UBAP1: variants seen among roughly 807,000 people sequenced by gnomAD.
UBAP1 encodes the protein ubiquitin-associated protein 1.
In UBAP1, 5 loss-of-function variants were observed where a neutral mutation model predicts 39.0. That is an observed-to-expected ratio of 0.13 (90% CI 0.07 to 0.27). The LOEUF is 0.27. Ranked by LOEUF, UBAP1 falls within the 10% of genes least tolerant of loss-of-function variation. UBAP1 has a pLI of 1.00. For missense variants in UBAP1, 490 were observed against 608.1 expected, an observed-to-expected ratio of 0.81 and a Z score of 2.04; for synonymous variants, 211 against 225.1, an observed-to-expected ratio of 0.94 and a Z score of 0.56.
chr9:34,242,408 A>G (rs1834007774), intron 4 of UBAP1, among the ~76,000 whole-genome samples: 1 of 152,186 alleles, frequency 6.6e-6, no homozygotes, highest in Non-Finnish European at 1.5e-5. Flanking sequence ...TTGGCCTTCC[A>G]AAGTGCTGGG....
rs564025825 is a variant in UBAP1, at chr9:34,204,172, C to A, written c.-7-16736C>A. Among the ~76,000 whole-genome samples the A allele has an allele frequency of 3.9e-4, 59 of 152,182 alleles. 1 individual carries two copies. The highest frequency in any genetic ancestry group is 1.3e-3 in the African/African-American group (52 of 41,530). On this transcript the variant is annotated intron_variant, in intron 1 of 6. Coordinates refer to ENST00000297661, the MANE Select transcript of UBAP1 (RefSeq NM_016525.5). Reference sequence around the variant, plus strand: ...TGAAATCCTGTCTCTACTAAAAATACAAAAATTAGCTGGGTGTGATGGCCC... The same window carrying A: ...TGAAATCCTGTCTCTACTAAAAATAAAAAAATTAGCTGGGTGTGATGGCCC...
intron 1 of UBAP1, among the ~76,000 whole-genome samples, chr9:34,205,106 TC>T (rs995860183): frequency 8.8e-4 from 134 of 152,206 alleles, no homozygotes; most frequent in African/African-American, 3.0e-3. Flanking sequence ...AGCTTCGACC[TC>T]CCCAGGCTCA....
At position 34,224,107 on chromosome 9, in the gene UBAP1, C is replaced by A. The variant is rs899873073; in HGVS notation, c.34+3159C>A. 27 of 734,952 alleles carry A rather than the reference C, an allele frequency of 3.7e-5. No homozygotes were observed. The African/African-American group carries it at 4.9e-4, about 13-fold the overall frequency. 45.5% of individuals were successfully genotyped at this position (734,952 alleles called of 1,614,324 possible). On this transcript the variant is annotated intron_variant, in intron 2 of 6. Transcript: ENST00000297661. Reference sequence around the variant, plus strand: ...AAGTGATGCACGCAAGAAGCTTGCCCTGCTGGAACTGCTCCTCCAGGAGAC... The same window carrying A: ...AAGTGATGCACGCAAGAAGCTTGCCATGCTGGAACTGCTCCTCCAGGAGAC...
intron 1 of UBAP1, among the ~76,000 whole-genome samples, chr9:34,203,638 G>A (rs1449787960): frequency 6.6e-6 from 1 of 152,152 alleles, no homozygotes; most frequent in African/African-American, 2.4e-5. Context: ...AAATAAAATA[G>A]GAATAATCTG....
rs550358833 is a variant in UBAP1 at position 34,194,491 on chromosome 9, T to A, written c.-8+15251T>A. Among the ~76,000 whole-genome samples the A allele has an allele frequency of 5.3e-5, 8 of 152,174 alleles. No individual in the cohort carries two copies. In the South Asian group the frequency reaches 1.7e-3, roughly 32 times the overall value. On this transcript the variant is annotated intron_variant, in intron 1 of 6. Coordinates refer to ENST00000297661, the MANE Select transcript of UBAP1 (RefSeq NM_016525.5). ...CACCATGCCCGGCTAATTTTTTGTA[T>A]TTTTAGTAGAGATGGGGTTTCACTG... is the stretch of plus-strand genomic sequence containing the variant.
At chr9:34,195,771 A>AT (rs1831000006) in intron 1 of UBAP1, among the ~76,000 whole-genome samples, 1 of 151,058 alleles carries the variant, frequency 6.6e-6, no homozygotes, top group South Asian at 2.1e-4. Context: ...CTAATTTTGT[A>AT]TTTTTAGTAG....
chr9:34,250,885 A>G (rs774357792), intron 6 of UBAP1, 126 bp downstream of exon 6: 2 of 784,734 alleles, frequency 2.5e-6, no homozygotes, highest in African/African-American at 3.4e-5. Flanking sequence ...CAAGTATTTG[A>G]AGGGCAGAAT....
At chr9:34,182,617 TTCTTTCTTTCTTTCTTTC>T (rs1386150175) in intron 1 of UBAP1, among the ~76,000 whole-genome samples, 3 of 25,336 alleles carry the variant, frequency 1.2e-4, no homozygotes, top group African/African-American at 5.7e-4. Flanking sequence ...CTTTCTTTCC[TTCTTTCTTTCTTTCTTTC>T]TTTCTTTCTT....
chr9:34,184,901 C>T (rs1286701129), intron 1 of UBAP1, among the ~76,000 whole-genome samples: 11 of 146,472 alleles, frequency 7.5e-5, no homozygotes, highest in African/African-American at 1.3e-4. Context: ...GGATTACAGG[C>T]GTGCGCCACC....
chr9:34,197,222 G>A (rs994173722), intron 1 of UBAP1, among the ~76,000 whole-genome samples: 1 of 151,848 alleles, frequency 6.6e-6, no homozygotes, highest in Non-Finnish European at 1.5e-5. Context: ...CACTGTGCCC[G>A]GCCAGTTATT....
At chr9:34,209,845 TG>T (rs1831920920) in intron 1 of UBAP1, among the ~76,000 whole-genome samples, 1 of 152,152 alleles carries the variant, frequency 6.6e-6, no homozygotes, top group African/African-American at 2.4e-5. Flanking sequence ...CATAGATAAA[TG>T]TATGCATCTA....
chr9:34,195,612 T>G (rs952774198), intron 1 of UBAP1, among the ~76,000 whole-genome samples: 1 of 151,922 alleles, frequency 6.6e-6, no homozygotes, highest in Non-Finnish European at 1.5e-5. Context: ...TTTTTTTTTT[T>G]CTGAGACGGA....
chr9:34,184,068 C>A (rs560669874), intron 1 of UBAP1, among the ~76,000 whole-genome samples: 1 of 151,886 alleles, frequency 6.6e-6, no homozygotes, highest in East Asian at 1.9e-4. Context: ...GCGCTCCCGG[C>A]CCAGAATTTC....
intron 1 of UBAP1, among the ~76,000 whole-genome samples, chr9:34,185,933 T>C (rs1830384798): frequency 6.6e-6 from 1 of 152,198 alleles, no homozygotes; most frequent in Non-Finnish European, 1.5e-5. Context: ...TTTTATGTAT[T>C]GAGGAAACAG....
At chr9:34,212,105 ACT>A (rs1832050808) in intron 1 of UBAP1, 1 of 265,398 alleles carries the variant, frequency 3.8e-6, no homozygotes, top group Non-Finnish European at 7.8e-6. Context: ...AGAAGCATAT[ACT>A]TATTTTAGTG....
chr9:34,193,879 C>G (rs1483954472), intron 1 of UBAP1, among the ~76,000 whole-genome samples: 2 of 152,074 alleles, frequency 1.3e-5, no homozygotes, highest in Non-Finnish European at 2.9e-5. Context: ...AGGGCAGTCC[C>G]CTCTCTGGGG....
chr9:34,180,897 G>T (rs1040970822), intron 1 of UBAP1, among the ~76,000 whole-genome samples: 1 of 150,692 alleles, frequency 6.6e-6, no homozygotes, highest in Admixed American at 6.7e-5. Context: ...TGCAACCTCC[G>T]CCTCCTGGGT....
intron 2 of UBAP1, among the ~76,000 whole-genome samples, chr9:34,229,684 C>G (rs532247519): frequency 4.6e-5 from 7 of 150,710 alleles, no homozygotes; most frequent in Admixed American, 4.0e-4. Context: ...ATTACAGGAA[C>G]GTGCTACCAC....
At chr9:34,226,111 G>GTGTGTGTA (rs1488128052) in intron 2 of UBAP1, among the ~76,000 whole-genome samples, 5 of 80,100 alleles carry the variant, frequency 6.2e-5, no homozygotes, top group African/African-American at 1.8e-4. Flanking sequence ...TCTATTGTGT[G>GTGTGTGTA]TGTGTGTGTG....
Sources: allele counts gnomAD v4.1 joint callset (sites outside exome capture counted in the v4.1 genomes callset), GRCh38; gene constraint gnomAD v4.1.1; transcripts MANE v1.5; gene names NCBI Gene and HGNC (gene_info 2026-07-23, HGNC 2026-07-21).